Variants in SMAP1 observed in about 807,000 individuals in gnomAD.
SMAP1 encodes the protein stromal membrane-associated protein 1.
SMAP1 carries 24 observed loss-of-function variants against 58.5 expected under a neutral mutation model. That is an observed-to-expected ratio of 0.41 (90% confidence interval 0.30 to 0.58). SMAP1 has a LOEUF of 0.58. Among genes scored for constraint, SMAP1 ranks in the 20% least tolerant of loss-of-function variants. SMAP1 has a pLI of 0.29. For missense variants in SMAP1, 563 were observed against 566.3 expected (o/e 0.99, Z 0.06); for synonymous variants, 216 against 196.6 (o/e 1.10, Z -0.82).
intron 2 of SMAP1, among the ~76,000 whole-genome samples, chr6:70,746,184 C>T (rs1766024375): frequency 6.6e-6 from 1 of 152,152 alleles, no homozygotes. Context: ...TGCCTGATTG[C>T]CCTGGCCAGA....
intron 1 of SMAP1, among the ~76,000 whole-genome samples, chr6:70,717,974 C>T (rs1181295908): frequency 6.6e-6 from 1 of 151,998 alleles, no homozygotes; most frequent in African/African-American, 2.4e-5. Flanking sequence ...TATCACTTGC[C>T]GGTTTTCACA....
At chr6:70,683,850 A>G (rs972914245) in intron 1 of SMAP1, among the ~76,000 whole-genome samples, 3 of 152,260 alleles carry the variant, frequency 2.0e-5, no homozygotes, top group Admixed American at 6.5e-5. Context: ...GTTAAAAGCA[A>G]TGGAACAGTG....
At chr6:70,848,389 G>C (rs1395641893) in intron 7 of SMAP1, among the ~76,000 whole-genome samples, 1 of 152,174 alleles carries the variant, frequency 6.6e-6, no homozygotes, top group Non-Finnish European at 1.5e-5. Flanking sequence ...CTCAAACTTA[G>C]TACAAATAAT....
Position 70,774,249 on chromosome 6 carries a change from A to G in SMAP1, c.414+824A>G, listed in dbSNP as rs375638210. Among the ~76,000 whole-genome samples the G allele has an allele frequency of 9.2e-5, 14 of 152,354 alleles. No individual in the cohort carries two copies. In the East Asian group the frequency reaches 2.7e-3, roughly 29 times the overall value. On this transcript the variant is annotated intron_variant, in intron 4 of 10. Transcript: ENST00000370455. Reference sequence around the variant, plus strand: ...ATGTATCCCAATTGTTAAATGACACAGGACTGTTATGTTTTATCAGCTGTT... The same window carrying G: ...ATGTATCCCAATTGTTAAATGACACGGGACTGTTATGTTTTATCAGCTGTT...
At chr6:70,812,993 CTG>C (rs1392471186) in intron 6 of SMAP1, among the ~76,000 whole-genome samples, 5 of 151,962 alleles carry the variant, frequency 3.3e-5, no homozygotes, top group Admixed American at 1.3e-4. Flanking sequence ...ATTATAAAAA[CTG>C]TGGAAAATAG....
intron 4 of SMAP1, among the ~76,000 whole-genome samples, chr6:70,782,570 C>T (rs1021598912): frequency 3.9e-5 from 6 of 152,160 alleles, no homozygotes; most frequent in African/African-American, 1.4e-4. Flanking sequence ...GCTTCCTGCC[C>T]TGAAACATCG....
intron 5 of SMAP1, among the ~76,000 whole-genome samples, chr6:70,794,778 A>G (rs1170068860): frequency 1.5e-5 from 2 of 132,296 alleles, no homozygotes; most frequent in South Asian, 2.4e-4. Context: ...ATTGTGCCAC[A>G]TTTTCTTTTC....
chr6:70,675,198 G>GTTTT (rs67744035), intron 1 of SMAP1, among the ~76,000 whole-genome samples: 1 of 109,982 alleles, frequency 9.1e-6, no homozygotes, highest in Non-Finnish European at 1.8e-5. Context: ...ATTATATAGT[G>GTTTT]TTTTTTTTTT....
intron 1 of SMAP1, among the ~76,000 whole-genome samples, chr6:70,727,596 C>T (rs770076892): frequency 6.6e-6 from 1 of 152,146 alleles, no homozygotes; most frequent in South Asian, 2.1e-4. Flanking sequence ...TTTAATACTT[C>T]GGTCAAAATA....
At chr6:70,797,093 C>T (rs1768637647) in intron 5 of SMAP1, among the ~76,000 whole-genome samples, 1 of 152,068 alleles carries the variant, frequency 6.6e-6, no homozygotes, top group Non-Finnish European at 1.5e-5. Context: ...TTTAGAATTT[C>T]CCTGTTCTTA....
chr6:70,822,544 A>G lies in SMAP1; in HGVS notation c.577-14397A>G, dbSNP rs9455235. Reference sequence around the variant, plus strand: ...ATCCAAAAATAGGAATGGGAAGGAAAGAAGCAAGAAAAGGTAAGGGCAAAG... The same window carrying G: ...ATCCAAAAATAGGAATGGGAAGGAAGGAAGCAAGAAAAGGTAAGGGCAAAG... On this transcript the variant is annotated intron_variant, in intron 6 of 10. Transcript: ENST00000370455. 6.3e-3 allele frequency among the ~76,000 whole-genome samples: 958 copies of G among 152,312 alleles called. 6 individuals carry two copies. Among genetic ancestry groups the G allele is most frequent in the African/African-American group, 0.022 (915 of 41,580 alleles).
intron 2 of SMAP1, among the ~76,000 whole-genome samples, chr6:70,754,223 CTAATA>C (rs1215820227): frequency 6.6e-5 from 10 of 152,026 alleles, no homozygotes; most frequent in South Asian, 4.1e-4. Context: ...CATTTAGTTT[CTAATA>C]TAATAGAATA....
At chr6:70,811,490 C>T (rs1364639587) in intron 6 of SMAP1, among the ~76,000 whole-genome samples, 1 of 151,982 alleles carries the variant, frequency 6.6e-6, no homozygotes, top group African/African-American at 2.4e-5. Flanking sequence ...GGGAGGGCAC[C>T]GGTGAGATCA....
At chr6:70,766,438 C>T (rs1766990294) in intron 3 of SMAP1, among the ~76,000 whole-genome samples, 1 of 152,178 alleles carries the variant, frequency 6.6e-6, no homozygotes, top group Non-Finnish European at 1.5e-5. Context: ...GATTGCCATT[C>T]TAACTGGTGT....
At chr6:70,810,020 G>GA (rs1028681038) in intron 6 of SMAP1, among the ~76,000 whole-genome samples, 36 of 152,094 alleles carry the variant, frequency 2.4e-4, no homozygotes, top group African/African-American at 7.9e-4. Context: ...CATTAAAAAA[G>GA]AAAAAATCTT....
chr6:70,771,641 A>G (rs1767319693), intron 3 of SMAP1, among the ~76,000 whole-genome samples: 1 of 152,132 alleles, frequency 6.6e-6, no homozygotes, highest in South Asian at 2.1e-4. Flanking sequence ...CCGATTTTCC[A>G]GGTGCCGTCT....
At chr6:70,721,477 C>A in intron 1 of SMAP1, among the ~76,000 whole-genome samples, 1 of 152,220 alleles carries the variant, frequency 6.6e-6, no homozygotes, top group Non-Finnish European at 1.5e-5. Flanking sequence ...TTCAACAAGT[C>A]TCTAGGAGGT....
intron 2 of SMAP1, among the ~76,000 whole-genome samples, chr6:70,746,805 AT>A (rs1236353090): frequency 3.3e-5 from 5 of 151,824 alleles, no homozygotes; most frequent in African/African-American, 1.2e-4. Context: ...CTGGTCCTGG[AT>A]TTTTTTTGGT....
chr6:70,668,379 C>G (rs1384968995), intron 1 of SMAP1, among the ~76,000 whole-genome samples: 1 of 152,246 alleles, frequency 6.6e-6, no homozygotes, highest in Non-Finnish European at 1.5e-5. Flanking sequence ...CTCCCCTCCT[C>G]CCAGACACGG....
Sources: allele counts gnomAD v4.1 joint callset (sites outside exome capture counted in the v4.1 genomes callset), GRCh38; gene constraint gnomAD v4.1.1; transcripts MANE v1.5; gene names NCBI Gene and HGNC (gene_info 2026-07-23, HGNC 2026-07-21).